PPP1R2: variants seen among roughly 807,000 people sequenced by gnomAD.
The protein encoded by PPP1R2 is protein phosphatase inhibitor 2.
Under a neutral mutation model 29.9 loss-of-function variants are expected in PPP1R2, and 16 were observed. The ratio of observed to expected loss-of-function variants is 0.53; its 90% CI spans 0.36 to 0.81. The LOEUF is 0.81. PPP1R2 is among the 30% of genes least tolerant of loss of function. The pLI, the probability that PPP1R2 is intolerant of heterozygous loss-of-function variation, is 0.00. For missense variants in PPP1R2, 197 were observed against 252.7 expected, an observed-to-expected ratio of 0.78 and a Z score of 1.49; for synonymous variants, 76 against 91.5, an observed-to-expected ratio of 0.83 and a Z score of 0.96.
rs73196126 is a variant in PPP1R2, at chr3:195,520,030, G to A, written c.404-845C>T. On this transcript the variant is annotated intron_variant, in intron 4 of 5. Coordinates refer to ENST00000618156, the MANE Select transcript of PPP1R2 (RefSeq NM_006241.8). ...TTGTTTTATTTTTTCTTTTTTTCAA[G>A]ATGGAGTTTCACTCTAATTGCCCAG... Among the ~76,000 whole-genome samples, 1,287 of 151,636 alleles carry A rather than the reference G, an allele frequency of 8.5e-3. 10 individuals are homozygous for A. Among genetic ancestry groups the A allele is most frequent in the Non-Finnish European group, 0.015 (1,001 of 67,904 alleles).
intron 1 of PPP1R2, among the ~76,000 whole-genome samples, chr3:195,536,872 G>T (rs911609206): frequency 6.6e-6 from 1 of 151,410 alleles, no homozygotes; most frequent in Non-Finnish European, 1.5e-5. Context: ...AAAGACCTCT[G>T]GAGTTTAAAA....
intron 5 of PPP1R2, among the ~76,000 whole-genome samples, chr3:195,518,373 T>C (rs541290070): frequency 7.9e-4 from 120 of 152,216 alleles, no homozygotes; most frequent in East Asian, 5.2e-3. Context: ...TGTTTCAGGC[T>C]GGGCGCGGTG....
Position 195,542,861 on chromosome 3 carries a change from G to A in PPP1R2, c.122+43C>T, listed in dbSNP as rs1486671766. ...TGGGGTCTGGGTAGGTAACGGGCCC[G>A]GCGGGAAGGAGGGGCTCCCAGGCCG... On this transcript the variant is annotated intron_variant, in intron 1 of 5. Transcript: ENST00000618156. The A allele has an allele frequency of 1.9e-6, 3 of 1,571,414 alleles. No homozygotes were observed. The South Asian group carries it at 3.5e-5, about 18-fold the overall frequency.
Position 195,515,885 on chromosome 3 carries a change from C to G in PPP1R2, c.*1011G>C, listed in dbSNP as rs749873644. 7.9e-5 allele frequency: 12 copies of G among 152,150 alleles called. No homozygotes were observed. Among genetic ancestry groups the G allele is most frequent in the Non-Finnish European group, 1.3e-4 (9 of 67,992 alleles). The allele number at this position is 152,150 out of a possible 1,614,324, so 9.4% of individuals were successfully genotyped here. A position where few individuals can be genotyped will look rare whatever the true frequency, so the allele number is the denominator to read the frequency against. On this transcript the variant is annotated 3_prime_UTR_variant, in exon 6 of 6. Coordinates refer to ENST00000618156, the MANE Select transcript of PPP1R2 (RefSeq NM_006241.8). ...TCAGCAGCTAAACTGTATTTCCCAC[C>G]TATAGCACTGCTGCTACTCAAACTA... is the stretch of plus-strand genomic sequence containing the variant.
intron 4 of PPP1R2, among the ~76,000 whole-genome samples, chr3:195,521,770 C>T (rs1038157480): frequency 6.6e-6 from 1 of 152,106 alleles, no homozygotes; most frequent in Non-Finnish European, 1.5e-5. Flanking sequence ...TGTGCCCCAG[C>T]CTCCCGAGTA....
Position 195,524,870 on chromosome 3 carries a change from C to A in PPP1R2, c.257G>T (p.Cys86Phe), listed in dbSNP as rs775644935. 1 of 1,614,120 alleles carries A rather than the reference C, an allele frequency of 6.2e-7. No individual in the cohort carries two copies. Among genetic ancestry groups the A allele is most frequent in the Non-Finnish European group, 8.5e-7 (1 of 1,179,990 alleles). ...GGCTTCAGTGGCCTCGGTGTCACTA[C>A]AGGCATCTTCATCATCCCCCATCAT... ...HSMMGDDEDA[C>F]SDTEATEAMA... The change falls in exon 3 of 6, where the codon TGT becomes TTT. Residue 86 changes from cysteine (C) to phenylalanine (F), a missense_variant. Cys to Phe is a radical substitution (Grantham distance 205). Coordinates refer to ENST00000618156, the MANE Select transcript of PPP1R2 (RefSeq NM_006241.8).
chr3:195,515,121 C>T lies in PPP1R2; in HGVS notation c.*1775G>A. 1 of 210,266 alleles carries T rather than the reference C, an allele frequency of 4.8e-6. No individual in the cohort carries two copies. The allele number at this position is 210,266 out of a possible 1,614,324, so 13.0% of individuals were successfully genotyped here. A position where few individuals can be genotyped will look rare whatever the true frequency, so the allele number is the denominator to read the frequency against. Reference sequence around the variant, plus strand: ...CGCACATGTACAGACTTAATCTCTACATCCCCCAAGACAGATTTAAACAGG... The same window carrying T: ...CGCACATGTACAGACTTAATCTCTATATCCCCCAAGACAGATTTAAACAGG... On this transcript the variant is annotated 3_prime_UTR_variant, in exon 6 of 6. Coordinates refer to ENST00000618156, the MANE Select transcript of PPP1R2 (RefSeq NM_006241.8).
chr3:195,540,290 T>C (rs79023195), intron 1 of PPP1R2, among the ~76,000 whole-genome samples: 2,985 of 152,316 alleles, frequency 0.02, 100 homozygotes, highest in African/African-American at 0.069. Flanking sequence ...TCAGCTCTTG[T>C]ACTGTAAACA....
chr3:195,539,354 T>C (rs1046228515), intron 1 of PPP1R2, among the ~76,000 whole-genome samples: 9 of 152,258 alleles, frequency 5.9e-5, no homozygotes, highest in African/African-American at 2.2e-4. Flanking sequence ...TTATGGATTC[T>C]ATCCAGTTTT....
chr3:195,542,795 C>A lies in PPP1R2; in HGVS notation c.122+109G>T, dbSNP rs1234485627. On this transcript the variant is annotated intron_variant, in intron 1 of 5. Coordinates refer to ENST00000618156, the MANE Select transcript of PPP1R2 (RefSeq NM_006241.8). ...GGCTAGCCGGGCAGGAGAAGAGACTCGAGCGGCACCCGAGCCGCATCCACG... is the reference window on the plus strand; with the variant it reads ...GGCTAGCCGGGCAGGAGAAGAGACTAGAGCGGCACCCGAGCCGCATCCACG... The A allele has an allele frequency of 1.5e-5, 20 of 1,340,390 alleles. No individual in the cohort carries two copies. In the Admixed American group the frequency reaches 2.7e-4, roughly 18 times the overall value. 83.0% of individuals were successfully genotyped at this position (1,340,390 alleles called of 1,614,324 possible). A position where few individuals can be genotyped will look rare whatever the true frequency, so the allele number is the denominator to read the frequency against.
intron 5 of PPP1R2, 21 bp downstream of exon 5, chr3:195,518,997 G>C (rs1477142692): frequency 1.8e-5 from 29 of 1,609,450 alleles, no homozygotes; most frequent in Non-Finnish European, 2.4e-5. Flanking sequence ...AAGTCTCAGT[G>C]ACATTTTCCA....
At position 195,516,681 on chromosome 3, in the gene PPP1R2, G is replaced by A; in HGVS notation, c.*215C>T. On this transcript the variant is annotated 3_prime_UTR_variant, in exon 6 of 6. Coordinates refer to ENST00000618156, the MANE Select transcript of PPP1R2 (RefSeq NM_006241.8). ...AGTTTTGGACTGATGATATTACACTGTATTTGTGGTAAAGTACTAGGCACA... is the reference window on the plus strand; with the variant it reads ...AGTTTTGGACTGATGATATTACACTATATTTGTGGTAAAGTACTAGGCACA... 1.9e-6 allele frequency: 1 copy of A among 514,282 alleles called. No homozygotes were observed. The allele number at this position is 514,282 out of a possible 1,614,324, so 31.9% of individuals were successfully genotyped here.
At chr3:195,532,222 T>C (rs1179867730) in intron 1 of PPP1R2, among the ~76,000 whole-genome samples, 2 of 149,120 alleles carry the variant, frequency 1.3e-5, no homozygotes, top group Non-Finnish European at 3.0e-5. Context: ...TTTCTTTTTT[T>C]TTTTTTTTTT....
chr3:195,542,725 G>C (rs959186260), intron 1 of PPP1R2, among the ~76,000 whole-genome samples, 179 bp downstream of exon 1: 2 of 151,540 alleles, frequency 1.3e-5, no homozygotes, highest in Non-Finnish European at 2.9e-5. Flanking sequence ...AAGGAAGCAT[G>C]ATAAACGTCA....
At chr3:195,518,977 A>G in intron 5 of PPP1R2, 41 bp downstream of exon 5, 1 of 1,607,100 alleles carries the variant, frequency 6.2e-7, no homozygotes, top group Non-Finnish European at 8.5e-7. Flanking sequence ...TTAGGCATAG[A>G]CCATTACAAA....
chr3:195,516,721 G>T lies in PPP1R2; in HGVS notation c.*175C>A. 1.7e-6 allele frequency: 1 copy of T among 591,110 alleles called. No homozygotes were observed. The highest frequency in any genetic ancestry group is 2.2e-5 in the South Asian group (1 of 45,602). The allele number at this position is 591,110 out of a possible 1,614,324, so 36.6% of individuals were successfully genotyped here. The stretch of plus-strand genomic sequence containing the variant: ...TACTAGGCACAAGAATATATATATC[G>T]ATTAGGCATTTTCAGTCTAATCAGT... On this transcript the variant is annotated 3_prime_UTR_variant, in exon 6 of 6. Coordinates refer to ENST00000618156, the MANE Select transcript of PPP1R2 (RefSeq NM_006241.8).
At chr3:195,521,294 G>A (rs374577110) in intron 4 of PPP1R2, among the ~76,000 whole-genome samples, 6 of 107,934 alleles carry the variant, frequency 5.6e-5, no homozygotes, top group Middle Eastern at 0.013. Flanking sequence ...CAGCCTGGGC[G>A]ACAGAGCAGG....
In PPP1R2 at chr3:195,543,011, C is replaced by T; in HGVS notation, c.15G>A (p.Thr5=). The T allele has an allele frequency of 6.3e-7, 1 of 1,599,984 alleles. No homozygotes were observed. The highest frequency in any genetic ancestry group is 8.5e-7 in the Non-Finnish European group (1 of 1,173,936). Residue 5 remains threonine, a synonymous_variant, in exon 1 of 6, where the codon ACG becomes ACA. Coordinates refer to ENST00000618156, the MANE Select transcript of PPP1R2 (RefSeq NM_006241.8). MAAS[T]ASHRPIKGIL... ...TCCCCTTGATGGGCCGGTGCGAGGC[C>T]GTCGAGGCCGCCATTGCCGGGCGCT...
chr3:195,523,584 C>T lies in PPP1R2; in HGVS notation c.403+108G>A, dbSNP rs1236775806. ...TAAAGATGTTGCTTTCATTCTCCTC[C>T]CCTGTGTGTCCCCAAAATGAAAACC... On this transcript the variant is annotated intron_variant, in intron 4 of 5. Coordinates refer to ENST00000618156, the MANE Select transcript of PPP1R2 (RefSeq NM_006241.8). 5 of 808,682 alleles carry T rather than the reference C, an allele frequency of 6.2e-6. No homozygotes were observed. The Admixed American group carries it at 8.2e-5, about 13-fold the overall frequency. The allele number at this position is 808,682 out of a possible 1,614,324, so 50.1% of individuals were successfully genotyped here.
Sources: allele counts gnomAD v4.1 joint callset (sites outside exome capture counted in the v4.1 genomes callset), GRCh38; gene constraint gnomAD v4.1.1; transcripts MANE v1.5; gene names NCBI Gene and HGNC (gene_info 2026-07-23, HGNC 2026-07-21).